The following TBC1D4 variants were observed in gnomAD, a reference collection of about 807,000 sequenced individuals.
TBC1D4 encodes TBC (Tre-2, BUB2, CDC16) domain-containing protein.
TBC1D4 carries 121 observed loss-of-function variants against 142.5 expected under a neutral mutation model. That is an observed-to-expected ratio of 0.85 (90% CI 0.73 to 0.99). The LOEUF is 0.99. Among genes scored for constraint, TBC1D4 ranks in the 50% least tolerant of loss-of-function variants. TBC1D4 has a pLI of 0.00. For synonymous variants in TBC1D4, 630 were observed against 628.2 expected (o/e 1.00, Z -0.04); for missense variants, 1,475 against 1,606.6 (o/e 0.92, Z 1.40).
At chr13:75,316,163 T>C (rs1286536729) in intron 12 of TBC1D4, among the ~76,000 whole-genome samples, 1 of 152,176 alleles carries the variant, frequency 6.6e-6, no homozygotes, top group Non-Finnish European at 1.5e-5. Flanking sequence ...CACCTTCCAA[T>C]TCACTGCTAA....
At chr13:75,334,576 G>GA (rs1322806714) in intron 8 of TBC1D4, among the ~76,000 whole-genome samples, 1 of 151,570 alleles carries the variant, frequency 6.6e-6, no homozygotes, top group Non-Finnish European at 1.5e-5. Flanking sequence ...GGAACAGGTG[G>GA]TTTTTTGTTT....
In TBC1D4 at chr13:75,481,566, T is replaced by C. The variant is rs1057042970; in HGVS notation, c.202A>G (p.Lys68Glu). The part of the protein sequence containing the change: ...LMAEIRRRSQ[K>E]PEAGGCGAPA... ...GCCCCGCAGCCGCCCGCCTCGGGCTTCTGGCTGCGCCTGCGGATCTCGGCC... is the reference window on the plus strand; with the variant it reads ...GCCCCGCAGCCGCCCGCCTCGGGCTCCTGGCTGCGCCTGCGGATCTCGGCC... The change falls in exon 1 of 21, where the codon AAG becomes GAG. Residue 68 changes from lysine to glutamate, a missense_variant. By Grantham distance (56) the Lys-to-Glu change is moderately conservative (BLOSUM62 1). Around this residue, in one of 2 missense-constraint regions of TBC1D4, gnomAD observed 1,227 missense variants for 1,267.7 expected, o/e 0.97. Coordinates refer to ENST00000377636, the MANE Select transcript of TBC1D4 (RefSeq NM_014832.5). The C allele has an allele frequency of 1.9e-6, 3 of 1,599,586 alleles. No individual in the cohort carries two copies. The highest frequency in any genetic ancestry group is 3.3e-4 in the Middle Eastern group (2 of 5,988).
chr13:75,413,574 A>T (rs942511193), intron 1 of TBC1D4, among the ~76,000 whole-genome samples: 2 of 152,118 alleles, frequency 1.3e-5, no homozygotes, highest in African/African-American at 4.8e-5. Flanking sequence ...TCTTCTTCCA[A>T]TGTGGCCCAG....
chr13:75,364,224 T>C (rs1882764163), intron 1 of TBC1D4, among the ~76,000 whole-genome samples: 2 of 152,202 alleles, frequency 1.3e-5, no homozygotes, highest in Non-Finnish European at 2.9e-5. Context: ...GCCTCCTTGC[T>C]ATTTCTCCAA....
In TBC1D4 at chr13:75,285,207, T is replaced by C. The variant is rs902818053; in HGVS notation, c.*1585A>G. 3.9e-5 allele frequency: 6 copies of C among 152,222 alleles called. No individual in the cohort carries two copies. The highest frequency in any genetic ancestry group is 1.2e-4 in the African/African-American group (5 of 41,460). 9.4% of individuals were successfully genotyped at this position (152,222 alleles called of 1,614,324 possible). On this transcript the variant is annotated 3_prime_UTR_variant, in exon 21 of 21. Transcript: ENST00000377636. ...CACACTGAGCTATAACAAGTCATTA[T>C]ATACACACTGGGTAACAGTGCGGAG...
chr13:75,481,726 G>C lies in TBC1D4; in HGVS notation c.42C>G (p.His14Gln), dbSNP rs1888895983. The stretch of plus-strand genomic sequence containing the variant: ...AGACGCCCGGCTCGGGCTCCAGGGG[G>C]TGCGGGAACGGCTCATCCTGAATGC... ...PSCIQDEPFP[H>Q]PLEPEPGVSA... Residue 14 changes from histidine to glutamine, a missense_variant, in exon 1 of 21, where the codon CAC becomes CAG. Transcript: ENST00000377636. 2 of 1,595,858 alleles carry C rather than the reference G, an allele frequency of 1.3e-6. No homozygotes were observed. The highest frequency in any genetic ancestry group is 1.4e-5 in the African/African-American group (1 of 73,448).
intron 1 of TBC1D4, among the ~76,000 whole-genome samples, chr13:75,374,166 C>T (rs1883372053): frequency 1.3e-5 from 2 of 152,098 alleles, no homozygotes; most frequent in African/African-American, 4.8e-5. Flanking sequence ...CTAGCTTTTG[C>T]CCAGCCCACG....
At chr13:75,443,852 G>C (rs1160593181) in intron 1 of TBC1D4, among the ~76,000 whole-genome samples, 1 of 152,008 alleles carries the variant, frequency 6.6e-6, no homozygotes. Context: ...AGCACTTAAC[G>C]ACTACCAGCT....
In TBC1D4 at chr13:75,286,677, C is replaced by G; in HGVS notation, c.*115G>C. Reference sequence around the variant, plus strand: ...ACCTGCTGTGACTAGGCGCTCAGCACCAGTATTAGGTGGTTCCATCAGCTT... The same window carrying G: ...ACCTGCTGTGACTAGGCGCTCAGCAGCAGTATTAGGTGGTTCCATCAGCTT... On this transcript the variant is annotated 3_prime_UTR_variant, in exon 21 of 21. Coordinates refer to ENST00000377636, the MANE Select transcript of TBC1D4 (RefSeq NM_014832.5). 1 of 1,025,718 alleles carries G rather than the reference C, an allele frequency of 9.7e-7. No individual in the cohort carries two copies. 63.5% of individuals were successfully genotyped at this position (1,025,718 alleles called of 1,614,324 possible). A position where few individuals can be genotyped will look rare whatever the true frequency, so the allele number is the denominator to read the frequency against.
At chr13:75,333,862 G>A (rs1879969512) in intron 8 of TBC1D4, among the ~76,000 whole-genome samples, 3 of 152,144 alleles carry the variant, frequency 2.0e-5, no homozygotes, top group South Asian at 4.1e-4. Flanking sequence ...TAACAGGCTT[G>A]TTATTTTGTA....
At position 75,324,255 on chromosome 13, in the gene TBC1D4, T is replaced by C. The variant is rs1879026067; in HGVS notation, c.2180A>G (p.Gln727Arg). Residue 727 changes from glutamine (Q) to arginine (R), a missense_variant, in exon 11 of 21, where the codon CAG becomes CGG. Physicochemically the swap from Gln to Arg is conservative, Grantham distance 43. Coordinates refer to ENST00000377636, the MANE Select transcript of TBC1D4 (RefSeq NM_014832.5). Reference sequence around the variant, plus strand: ...ATCTCACCTGATTTCATTTTCATACTGTGGGGACAGTCTACCTGAATTCTG... The same window carrying C: ...ATCTCACCTGATTTCATTTTCATACCGTGGGGACAGTCTACCTGAATTCTG... Reference protein sequence around the residue: ...FYQNSGRLSPQYENEIRQDTA... With the variant: ...FYQNSGRLSPRYENEIRQDTA... 1 of 1,613,908 alleles carries C rather than the reference T, an allele frequency of 6.2e-7. No homozygotes were observed. The highest frequency in any genetic ancestry group is 8.5e-7 in the Non-Finnish European group (1 of 1,179,788).
intron 19 of TBC1D4, among the ~76,000 whole-genome samples, chr13:75,290,958 G>C (rs1446183895): frequency 6.6e-6 from 1 of 152,120 alleles, no homozygotes; most frequent in Non-Finnish European, 1.5e-5. Flanking sequence ...CTTCAGGAAA[G>C]TGGTAAACTT....
At chr13:75,296,257 A>G (rs143447439) in intron 17 of TBC1D4, among the ~76,000 whole-genome samples, 14 of 152,288 alleles carry the variant, frequency 9.2e-5, no homozygotes, top group Non-Finnish European at 1.9e-4. Flanking sequence ...AAAAAAACAT[A>G]CATTTCCTTT....
At chr13:75,460,075 G>A (rs546158126) in intron 1 of TBC1D4, among the ~76,000 whole-genome samples, 11 of 152,018 alleles carry the variant, frequency 7.2e-5, no homozygotes, top group South Asian at 2.1e-4. Context: ...CCTGGGAGGC[G>A]GAGCTTGCAG....
intron 1 of TBC1D4, among the ~76,000 whole-genome samples, chr13:75,379,574 C>A (rs570630245): frequency 3.9e-5 from 6 of 152,286 alleles, no homozygotes; most frequent in African/African-American, 1.2e-4. Context: ...AACATGGAAT[C>A]TCATAAACCA....
intron 1 of TBC1D4, among the ~76,000 whole-genome samples, chr13:75,378,800 C>A (rs1223272172): frequency 6.6e-6 from 1 of 152,014 alleles, no homozygotes. Flanking sequence ...TGATGGCCAT[C>A]AAGTGTTTGT....
chr13:75,402,718 T>C (rs185264381), intron 1 of TBC1D4, among the ~76,000 whole-genome samples: 3 of 150,218 alleles, frequency 2.0e-5, no homozygotes, highest in Admixed American at 2.0e-4. Context: ...TTATCTGTGA[T>C]GAAAAGATTT....
intron 17 of TBC1D4, among the ~76,000 whole-genome samples, chr13:75,298,857 G>A (rs765374817): frequency 1.3e-5 from 2 of 152,170 alleles, no homozygotes; most frequent in Non-Finnish European, 2.9e-5. Context: ...GAAGATAAAG[G>A]AGGGGAGATA....
Position 75,324,325 on chromosome 13 carries a change from A to G in TBC1D4, c.2110T>C (p.Ser704Pro). Residue 704 changes from serine to proline, a missense_variant, in exon 11 of 21, where the codon TCT (serine) becomes CCT (proline). Transcript: ENST00000377636. ...SSLPSLHTSF[S>P]APSFTAPSFL... ...GAGGGGGCAGTGAAGGAAGGGGCAG[A>G]GAAGGAAGTGTGAAGACTTGGAAGA... 1 of 1,614,056 alleles carries G rather than the reference A, an allele frequency of 6.2e-7. No individual in the cohort carries two copies. Among genetic ancestry groups the G allele is most frequent in the Non-Finnish European group, 8.5e-7 (1 of 1,179,910 alleles).
Sources: gnomAD v4.1 joint callset for allele counts (sites outside exome capture counted in the v4.1 genomes callset) on GRCh38, gnomAD v4.1.1 for gene constraint, gnomAD v4.1.1 regional missense constraint, MANE v1.5 for transcripts, NCBI Gene and HGNC (gene_info 2026-07-23, HGNC 2026-07-21) for gene names.